The following ACY3 variants were observed in gnomAD, a reference collection of about 807,000 sequenced individuals.
The protein encoded by ACY3 is aminoacylase 3, also known as N-acyl-aromatic-L-amino acid amidohydrolase (carboxylate-forming).
ACY3 carries 20 observed loss-of-function variants against 24.6 expected under a neutral mutation model. The ratio of observed to expected loss-of-function variants is 0.81; its 90% confidence interval spans 0.57 to 1.18. ACY3 has a LOEUF of 1.18. Among genes scored for constraint, ACY3 ranks in the 50% most tolerant of loss-of-function variants. ACY3 has a pLI of 0.00. For missense variants in ACY3, 423 were observed against 426.8 expected (o/e 0.99, Z 0.08); for synonymous variants, 174 against 188.4 (o/e 0.92, Z 0.62).
chr11:67,644,247 G>T (rs2134107735), intron 7 of ACY3, among the ~76,000 whole-genome samples: 1 of 152,200 alleles, frequency 6.6e-6, no homozygotes, highest in South Asian at 2.1e-4. Context: ...AGCAAGCAGA[G>T]CAGCAGCCAG....
intron 3 of ACY3, 99 bp downstream of exon 3, chr11:67,646,709 G>T: frequency 8.7e-7 from 1 of 1,152,306 alleles, no homozygotes; most frequent in Non-Finnish European, 1.3e-6. Flanking sequence ...GGAAGCAGGA[G>T]TGAAGGCAGG....
chr11:67,646,421 C>T (rs1490650214), intron 3 of ACY3, among the ~76,000 whole-genome samples: 2 of 152,226 alleles, frequency 1.3e-5, no homozygotes, highest in South Asian at 4.1e-4. Flanking sequence ...ACACCTTGGT[C>T]CTATTCCCCA....
chr11:67,642,790 A>T lies in ACY3; in HGVS notation c.894T>A (p.Thr298=). 1.2e-6 allele frequency: 2 copies of T among 1,614,122 alleles called. No homozygotes were observed. The highest frequency in any genetic ancestry group is 3.3e-5 in the Admixed American group (2 of 60,022). Residue 298 remains threonine (T), a synonymous_variant, in exon 8 of 8, where the codon ACT becomes ACA. Coordinates refer to ENST00000255082, the MANE Select transcript of ACY3 (RefSeq NM_080658.2). ...YYEKGVAFVQ[T]EKFTFTVPAM... ...CAGGCACGGTGAATGTGAACTTCTC[A>T]GTCTGGACAAAGGCAACGCCCTTCT...
chr11:67,646,014 G>T, intron 3 of ACY3, 127 bp from the exon 4 acceptor site: 1 of 931,660 alleles, frequency 1.1e-6, no homozygotes. Context: ...TTTCCCTTCA[G>T]ACGTTGTGGC....
chr11:67,647,120 G>A (rs2509715), intron 2 of ACY3, 57 bp from the exon 3 acceptor site: 1,057,152 of 1,293,068 alleles, frequency 0.82, 433,760 homozygotes, highest in South Asian at 0.92. Flanking sequence ...CTGGGCTCAG[G>A]GCAAGGATGG....
intron 1 of ACY3, among the ~76,000 whole-genome samples, chr11:67,648,458 C>A (rs552487436): frequency 6.6e-6 from 1 of 152,314 alleles, no homozygotes; most frequent in Admixed American, 6.5e-5. Context: ...CTCTACCTCC[C>A]ACCAGGCTCA....
In ACY3 at chr11:67,645,145, C is replaced by G; in HGVS notation, c.534G>C (p.Glu178Asp). 1 of 1,612,102 alleles carries G rather than the reference C, an allele frequency of 6.2e-7. No individual in the cohort carries two copies. The highest frequency in any genetic ancestry group is 1.7e-5 in the Admixed American group (1 of 59,844). ...DSVAKNGLGL[E>D]LGPQPQGVLR... ...GCACACCCTGTGGCTGGGGGCCCAGCTCCAGACCTGGGGACCAGGAAGCAA... is the reference window on the plus strand; with the variant it reads ...GCACACCCTGTGGCTGGGGGCCCAGGTCCAGACCTGGGGACCAGGAAGCAA... Residue 178 changes from glutamate (E) to aspartate (D), a missense_variant, in exon 6 of 8, where the codon GAG becomes GAC. Physicochemically the swap from Glu to Asp is conservative, Grantham distance 45 (BLOSUM62 2). Transcript: ENST00000255082.
intron 1 of ACY3, among the ~76,000 whole-genome samples, chr11:67,648,033 G>A (rs1312345344): frequency 6.6e-6 from 1 of 152,194 alleles, no homozygotes; most frequent in Non-Finnish European, 1.5e-5. Context: ...TTACCCAAAG[G>A]TGCCATGTGG....
In ACY3 at chr11:67,645,358, C is replaced by T. The variant is rs370834010; in HGVS notation, c.455G>A (p.Cys152Tyr). The change falls in exon 5 of 8, where the codon TGC (cysteine) becomes TAC (tyrosine). Residue 152 changes from cysteine to tyrosine, a missense_variant. Coordinates refer to ENST00000255082, the MANE Select transcript of ACY3 (RefSeq NM_080658.2). ...HLQLQYPELS[C>Y]QVFLYQRSGE... is the part of the protein sequence containing the mutation. The stretch of plus-strand genomic sequence containing the variant: ...AGACCGCTGGTACAGGAAGACCTGG[C>T]AGGACAGCTCGGGGTACTGCAGCTG... The T allele has an allele frequency of 2.5e-6, 4 of 1,613,452 alleles. No homozygotes were observed. Among genetic ancestry groups the T allele is most frequent in the Non-Finnish European group, 3.4e-6 (4 of 1,179,982 alleles).
Position 67,646,871 on chromosome 11 carries a change from G to A in ACY3, c.173C>T (p.Thr58Ile), listed in dbSNP as rs1398652523. The change falls in exon 3 of 8, where the codon ACA becomes ATA. Residue 58 changes from threonine (T) to isoleucine (I), a missense_variant. By Grantham distance (89) the Thr-to-Ile change is moderately conservative. Transcript: ENST00000255082. ...GTCCACGTAGCGGCGGCAGCCGGAT[G>A]TGGCTGCCGGGTTGGCCAGCACAGG... ...AVPVLANPAATSGCRRYVDHD... is the reference protein window; with the variant it reads ...AVPVLANPAAISGCRRYVDHD... 14 of 1,612,528 alleles carry A rather than the reference G, an allele frequency of 8.7e-6. No homozygotes were observed. The highest frequency in any genetic ancestry group is 1.1e-5 in the Non-Finnish European group (13 of 1,179,860).
At chr11:67,648,289 C>G (rs1050231181) in intron 1 of ACY3, among the ~76,000 whole-genome samples, 1 of 151,994 alleles carries the variant, frequency 6.6e-6, no homozygotes, top group Non-Finnish European at 1.5e-5. Context: ...CAGCGGCACA[C>G]AGAGCCCTAG....
intron 7 of ACY3, 42 bp from the exon 8 acceptor site, chr11:67,642,981 T>C: frequency 1.3e-6 from 2 of 1,573,924 alleles, no homozygotes; most frequent in Non-Finnish European, 8.7e-7. Context: ...GGGCCACCTC[T>C]GCCCTGGCCC....
Position 67,650,568 on chromosome 11 carries a change from C to A in ACY3, c.-95+15G>T, listed in dbSNP as rs1855608298. 1 of 152,206 alleles carries A rather than the reference C, an allele frequency of 6.6e-6. No individual in the cohort carries two copies. Among genetic ancestry groups the A allele is most frequent in the Non-Finnish European group, 1.5e-5 (1 of 68,048 alleles). The allele number at this position is 152,206 out of a possible 1,614,324, so 9.4% of individuals were successfully genotyped here. A position where few individuals can be genotyped will look rare whatever the true frequency, so the allele number is the denominator to read the frequency against. On this transcript the variant is annotated intron_variant, in intron 1 of 7. Transcript: ENST00000255082. Reference sequence around the variant, plus strand: ...TAAAGCAGTGGGCCGCGGCACCTTCCCCGGGCGAACTCACCCACGTGGCCC... The same window carrying A: ...TAAAGCAGTGGGCCGCGGCACCTTCACCGGGCGAACTCACCCACGTGGCCC...
At chr11:67,644,476 C>T (rs1249279326) in intron 7 of ACY3, among the ~76,000 whole-genome samples, 2 of 152,210 alleles carry the variant, frequency 1.3e-5, no homozygotes, top group African/African-American at 4.8e-5. Flanking sequence ...CTTTTACAGC[C>T]AGGGTAGGGT....
intron 7 of ACY3, among the ~76,000 whole-genome samples, chr11:67,644,360 G>A (rs976280874): frequency 2.0e-5 from 3 of 152,198 alleles, no homozygotes; most frequent in African/African-American, 4.8e-5. Context: ...CTGCCAACAT[G>A]CATGGGGATG....
chr11:67,647,795 C>G (rs1855546943), intron 1 of ACY3, among the ~76,000 whole-genome samples: 2 of 152,246 alleles, frequency 1.3e-5, no homozygotes, highest in Non-Finnish European at 2.9e-5. Context: ...GCCCTTCGTC[C>G]TTCTGCTGGG....
At chr11:67,643,473 T>A (rs1855447851) in intron 7 of ACY3, among the ~76,000 whole-genome samples, 2 of 151,548 alleles carry the variant, frequency 1.3e-5, no homozygotes, top group East Asian at 1.9e-4. Context: ...AGGTCAGGAG[T>A]TCAAGACCAG....
At chr11:67,642,989 C>A in intron 7 of ACY3, 50 bp from the exon 8 acceptor site, 1 of 1,559,988 alleles carries the variant, frequency 6.4e-7, no homozygotes, top group African/African-American at 1.4e-5. Flanking sequence ...TCTGCCCTGG[C>A]CCCAGAGGGG....
intron 3 of ACY3, 136 bp downstream of exon 3, chr11:67,646,672 T>G (rs548594073): frequency 2.3e-6 from 2 of 864,554 alleles, no homozygotes; most frequent in South Asian, 1.5e-5. Flanking sequence ...GTTTGTCCCG[T>G]GGAGGAATGG....
Sources: allele counts gnomAD v4.1 joint callset (sites outside exome capture counted in the v4.1 genomes callset), GRCh38; gene constraint gnomAD v4.1.1; transcripts MANE v1.5; gene names NCBI Gene and HGNC (gene_info 2026-07-23, HGNC 2026-07-21).